Variants in SLC39A10 observed in about 807,000 individuals in gnomAD.
The protein encoded by SLC39A10 is zinc transporter ZIP10.
In SLC39A10, 13 loss-of-function variants were observed where a neutral mutation model predicts 65.1. That is an observed-to-expected ratio of 0.20 (90% CI 0.13 to 0.32). The LOEUF (loss-of-function observed/expected upper bound fraction) is 0.32. SLC39A10 is among the 10% of genes least tolerant of loss of function. The pLI is 1.00. For missense variants in SLC39A10, 831 were observed against 1,018.4 expected, an observed-to-expected ratio of 0.82 and a Z score of 2.50; for synonymous variants, 321 against 342.2, an observed-to-expected ratio of 0.94 and a Z score of 0.68.
Position 195,680,951 on chromosome 2 carries a change from T to C in SLC39A10, c.909T>C (p.Gly303=), listed in dbSNP as rs1690286654. Residue 303 remains glycine, a synonymous_variant, in exon 2 of 10, where the codon GGT becomes GGC. Transcript: ENST00000359634. ...AAGATCTTGATCCTGATAATGAAGG[T>C]GAACTTCGACATACTAGAAAGAGAG... The part of the protein sequence containing the change: ...GHQDLDPDNE[G]ELRHTRKREA... 6.2e-7 allele frequency: 1 copy of C among 1,613,938 alleles called. No individual in the cohort carries two copies. The highest frequency in any genetic ancestry group is 8.5e-7 in the Non-Finnish European group (1 of 1,180,028).
intron 2 of SLC39A10, among the ~76,000 whole-genome samples, chr2:195,620,126 G>C (rs562587763): frequency 1.3e-5 from 2 of 152,210 alleles, no homozygotes; most frequent in South Asian, 4.2e-4. Context: ...ATTTCACCAT[G>C]TTGGTCAGGC....
intron 2 of SLC39A10, among the ~76,000 whole-genome samples, chr2:195,622,233 G>A (rs995656023): frequency 5.9e-5 from 9 of 152,112 alleles, no homozygotes; most frequent in Admixed American, 4.6e-4. Context: ...GGGCATGGTG[G>A]TGAGTGCCTG....
chr2:195,619,677 T>C (rs1160781114), intron 2 of SLC39A10, among the ~76,000 whole-genome samples: 1 of 152,048 alleles, frequency 6.6e-6, no homozygotes, highest in Admixed American at 6.6e-5. Flanking sequence ...AGATAACTAC[T>C]TCAGCAATGG....
At chr2:195,674,865 TTGTA>T (rs77235986) in intron 1 of SLC39A10, among the ~76,000 whole-genome samples, 71,290 of 151,684 alleles carry the variant, frequency 0.47, 17,817 homozygotes, top group Non-Finnish European at 0.57. Context: ...TAGTAAATAT[TTGTA>T]TGTTTAAACA....
intron 6 of SLC39A10, among the ~76,000 whole-genome samples, chr2:195,715,398 C>T (rs1404393675): frequency 6.6e-6 from 1 of 151,950 alleles, no homozygotes; most frequent in East Asian, 1.9e-4. Context: ...TGGTGGCACA[C>T]ACCTGTAGTC....
rs200767436 is a variant in SLC39A10, at chr2:195,680,835, C to A, written c.793C>A (p.Arg265=). The A allele has an allele frequency of 1.2e-6, 2 of 1,614,070 alleles. No individual in the cohort carries two copies. The highest frequency in any genetic ancestry group is 8.5e-7 in the Non-Finnish European group (1 of 1,180,002). ...HDQGEQYEHN[R]VHKPDRVHNP... ...TCAGGGTGAACAGTATGAGCATAAT[C>A]GGGTCCACAAACCTGATCGTGTACA... Residue 265 remains arginine (R), a synonymous_variant, in exon 2 of 10, where the codon CGG becomes AGG. Coordinates refer to ENST00000359634, the MANE Select transcript of SLC39A10 (RefSeq NM_020342.3).
chr2:195,686,503 T>G (rs1164605721), intron 3 of SLC39A10, among the ~76,000 whole-genome samples: 2 of 152,160 alleles, frequency 1.3e-5, no homozygotes, highest in Admixed American at 6.5e-5. Context: ...TGAGCTGAGA[T>G]CACGCCACTG....
At chr2:195,721,677 A>G (rs572999537) in intron 8 of SLC39A10, among the ~76,000 whole-genome samples, 2 of 152,192 alleles carry the variant, frequency 1.3e-5, no homozygotes, top group Non-Finnish European at 2.9e-5. Context: ...AATCAAGGCT[A>G]TCAGTTTTTA....
Position 195,736,298 on chromosome 2 carries a change from G to T in SLC39A10, c.*1257G>T. On this transcript the variant is annotated 3_prime_UTR_variant, in exon 10 of 10. Coordinates refer to ENST00000359634, the MANE Select transcript of SLC39A10 (RefSeq NM_020342.3). ...TGTGAATGATTTGTGAGAAGTGCAAGCCATGTTTATCCTGAATTTTTACTT... is the reference window on the plus strand; with the variant it reads ...TGTGAATGATTTGTGAGAAGTGCAATCCATGTTTATCCTGAATTTTTACTT... 1 of 162,492 alleles carries T rather than the reference G, an allele frequency of 6.2e-6. No individual in the cohort carries two copies. The allele number at this position is 162,492 out of a possible 1,614,324, so 10.1% of individuals were successfully genotyped here. A position where few individuals can be genotyped will look rare whatever the true frequency, so the allele number is the denominator to read the frequency against.
intron 1 of SLC39A10, among the ~76,000 whole-genome samples, chr2:195,679,542 G>A (rs1360491666): frequency 1.3e-5 from 2 of 152,156 alleles, no homozygotes; most frequent in African/African-American, 4.8e-5. Context: ...GACTGGGGTT[G>A]TATTGGATAC....
chr2:195,667,086 G>A (rs760344900), intron 1 of SLC39A10, among the ~76,000 whole-genome samples: 1 of 152,186 alleles, frequency 6.6e-6, no homozygotes, highest in Non-Finnish European at 1.5e-5. Flanking sequence ...AGGTATAAAT[G>A]TTTATATTCT....
In SLC39A10 at chr2:195,736,475, C is replaced by T. The variant is rs533907319; in HGVS notation, c.*1434C>T. 2 of 163,634 alleles carry T rather than the reference C, an allele frequency of 1.2e-5. No homozygotes were observed. The highest frequency in any genetic ancestry group is 4.1e-4 in the South Asian group (2 of 4,824). 10.1% of individuals were successfully genotyped at this position (163,634 alleles called of 1,614,324 possible). ...CAACCAGTGTAGCTGCTGTAACAAT[C>T]TATCTTATTGTTCAAATATATAAGA... On this transcript the variant is annotated 3_prime_UTR_variant, in exon 10 of 10. Transcript: ENST00000359634.
intron 2 of SLC39A10, among the ~76,000 whole-genome samples, chr2:195,629,430 A>G (rs1688539853): frequency 6.6e-6 from 1 of 151,572 alleles, no homozygotes. Flanking sequence ...TTGACCTTCA[A>G]CCCACCCCCA....
rs1692632324 is a variant in SLC39A10 at position 195,736,874 on chromosome 2, A to AT, written c.*1836dup. The AT allele has an allele frequency of 8.2e-6, 1 of 121,550 alleles. No homozygotes were observed. The allele number at this position is 121,550 out of a possible 1,614,324, so 7.5% of individuals were successfully genotyped here. Reference sequence around the variant, plus strand: ...TATTTAGTACTGCCAACTTCAAGTGATTTAGATATCTATCTATCTAGATTT... The same window carrying AT: ...TATTTAGTACTGCCAACTTCAAGTGATTTTAGATATCTATCTATCTAGATTT... On this transcript the variant is annotated 3_prime_UTR_variant, in exon 10 of 10. Coordinates refer to ENST00000359634, the MANE Select transcript of SLC39A10 (RefSeq NM_020342.3).
At chr2:195,711,664 C>T (rs1691605111) in intron 5 of SLC39A10, among the ~76,000 whole-genome samples, 1 of 152,168 alleles carries the variant, frequency 6.6e-6, no homozygotes, top group South Asian at 2.1e-4. Context: ...ACTGTTTCAG[C>T]TTTCAAACCA....
chr2:195,657,589 C>T, intron 1 of SLC39A10: 1 of 982,322 alleles, frequency 1.0e-6, no homozygotes. Flanking sequence ...AGCCTCGCGC[C>T]CCCCTCACCT....
rs371650021 is a variant in SLC39A10 at position 195,677,029 on chromosome 2, G to T, written c.-11-3003G>T. Among the ~76,000 whole-genome samples the T allele has an allele frequency of 2.6e-5, 4 of 151,994 alleles. No homozygotes were observed. In the East Asian group the frequency reaches 5.8e-4, roughly 22 times the overall value. On this transcript the variant is annotated intron_variant, in intron 1 of 9. Coordinates refer to ENST00000359634, the MANE Select transcript of SLC39A10 (RefSeq NM_020342.3). ...TTAATTCTAGAAACCATACAATGTT[G>T]TTTATAATTACATTTTGTGATTGGT...
chr2:195,679,263 G>T (rs1169557760), intron 1 of SLC39A10, among the ~76,000 whole-genome samples: 1 of 152,120 alleles, frequency 6.6e-6, no homozygotes, highest in African/African-American at 2.4e-5. Context: ...TGAGGTAAGG[G>T]TCAGATTTTA....
intron 2 of SLC39A10, among the ~76,000 whole-genome samples, chr2:195,645,939 C>CT (rs1287675568): frequency 2.6e-5 from 4 of 152,088 alleles, no homozygotes; most frequent in African/African-American, 9.7e-5. Flanking sequence ...TTGATTCTAT[C>CT]TTTTTTTCTT....
Sources: gnomAD v4.1 joint callset for allele counts (sites outside exome capture counted in the v4.1 genomes callset) on GRCh38, gnomAD v4.1.1 for gene constraint, MANE v1.5 for transcripts, NCBI Gene and HGNC (gene_info 2026-07-23, HGNC 2026-07-21) for gene names.